The following MSI2 variants were observed in gnomAD, a reference collection of about 807,000 sequenced individuals.
MSI2 encodes the protein RNA-binding protein Musashi homolog 2.
A neutral mutation model predicts 45.6 loss-of-function variants in MSI2; 17 were observed. That is an observed-to-expected ratio of 0.37 (90% CI 0.26 to 0.56). The LOEUF (loss-of-function observed/expected upper bound fraction) is 0.56. Ranked by LOEUF, MSI2 falls within the 20% of genes least tolerant of loss-of-function variation. The pLI, the probability that MSI2 is intolerant of heterozygous loss-of-function variation, is 0.77. For synonymous variants in MSI2, 156 were observed against 158.2 expected (o/e 0.99, Z 0.11); for missense variants, 293 against 444.2 (o/e 0.66, Z 3.06).
chr17:57,339,584 G>C (rs76169428), intron 5 of MSI2, among the ~76,000 whole-genome samples: 2,824 of 152,202 alleles, frequency 0.019, 79 homozygotes, highest in African/African-American at 0.058. Context: ...CCATGCTCCT[G>C]GTGTTTCTAA....
chr17:57,442,518 T>TGAC (rs1160593239), intron 6 of MSI2, among the ~76,000 whole-genome samples: 1 of 152,038 alleles, frequency 6.6e-6, no homozygotes, highest in African/African-American at 2.4e-5. Flanking sequence ...TTGTACAGCC[T>TGAC]GACCAGCAGT....
rs189422647 is a variant in MSI2, at chr17:57,300,938, G to C, written c.312+38746G>C. Among the ~76,000 whole-genome samples the C allele has an allele frequency of 1.9e-4, 29 of 152,318 alleles. 1 individual carries two copies. The highest frequency in any genetic ancestry group is 6.7e-4 in the African/African-American group (28 of 41,568). ...AGAGCTACAATTCAAGATGAGATTTGGGTGAGGACACAGCCAAACCATATC... is the reference window on the plus strand; with the variant it reads ...AGAGCTACAATTCAAGATGAGATTTCGGTGAGGACACAGCCAAACCATATC... On this transcript the variant is annotated intron_variant, in intron 5 of 13. Transcript: ENST00000284073.
chr17:57,368,313 T>C (rs1274168313), intron 5 of MSI2, among the ~76,000 whole-genome samples: 1 of 152,120 alleles, frequency 6.6e-6, no homozygotes, highest in African/African-American at 2.4e-5. Flanking sequence ...CCCAGCACTT[T>C]GGGAGGCTGA....
the MSI2 span, among the ~76,000 whole-genome samples, chr17:57,693,501 C>A: frequency 6.6e-6 from 1 of 152,228 alleles, no homozygotes; most frequent in East Asian, 1.9e-4. Context: ...GTTTACGGAT[C>A]AGCTAGTTAA....
chr17:57,306,107 G>A (rs1353452980), intron 5 of MSI2, among the ~76,000 whole-genome samples: 1 of 151,886 alleles, frequency 6.6e-6, no homozygotes. Context: ...GAGAAGCCTG[G>A]CCTTTGCTTG....
intron 6 of MSI2, among the ~76,000 whole-genome samples, chr17:57,474,096 C>T (rs1478440182): frequency 2.6e-5 from 4 of 151,986 alleles, no homozygotes; most frequent in Non-Finnish European, 5.9e-5. Flanking sequence ...AACTCTCACG[C>T]GAAGTTGGGG....
chr17:57,586,849 T>TA lies in MSI2; in HGVS notation c.455-10002dup, dbSNP rs34823246. On this transcript the variant is annotated intron_variant, in intron 7 of 13. Transcript: ENST00000284073. The stretch of plus-strand genomic sequence containing the variant: ...CCAACGTGGCAAAACCCCATCTCCT[T>TA]AAAAAAAAAAAAAAAAAGTTTCCCA... Among the ~76,000 whole-genome samples the TA allele has an allele frequency of 1.2e-3, 174 of 146,776 alleles. 1 individual carries two copies. The highest frequency in any genetic ancestry group is 0.011 in the Middle Eastern group (3 of 280).
At chr17:57,544,310 T>C (rs1027543163) in intron 7 of MSI2, among the ~76,000 whole-genome samples, 1 of 152,188 alleles carries the variant, frequency 6.6e-6, no homozygotes, top group Non-Finnish European at 1.5e-5. Context: ...CTAATTAAAA[T>C]CCCCTGATAA....
At chr17:57,328,324 T>TCCTTCCAC (rs1913986081) in intron 5 of MSI2, among the ~76,000 whole-genome samples, 1 of 151,390 alleles carries the variant, frequency 6.6e-6, no homozygotes, top group African/African-American at 2.4e-5. Context: ...TATCCATCCA[T>TCCTTCCAC]CCATCCATGC....
At chr17:57,288,958 C>T (rs573967932) in intron 5 of MSI2, among the ~76,000 whole-genome samples, 2 of 152,316 alleles carry the variant, frequency 1.3e-5, no homozygotes, top group South Asian at 2.1e-4. Flanking sequence ...GCAATTGCCA[C>T]GTGTCTCCTG....
intron 6 of MSI2, among the ~76,000 whole-genome samples, chr17:57,477,978 C>T (rs2085573769): frequency 6.6e-6 from 1 of 152,194 alleles, no homozygotes; most frequent in Non-Finnish European, 1.5e-5. Context: ...TCTCTTCTCC[C>T]CACTGCTAGG....
chr17:57,396,404 G>A (rs1278425029), intron 5 of MSI2, among the ~76,000 whole-genome samples: 1 of 79,350 alleles, frequency 1.3e-5, no homozygotes, highest in African/African-American at 4.6e-5. Flanking sequence ...AACACACACA[G>A]CACACACACC....
chr17:57,587,120 A>T lies in MSI2; in HGVS notation c.455-9748A>T, dbSNP rs536989070. ...TTTTGACAAGCCCTTCCCCCATGAG[A>T]GATTCTGCTGCAGGACCATACCCAG... On this transcript the variant is annotated intron_variant, in intron 7 of 13. Transcript: ENST00000284073. Among the ~76,000 whole-genome samples, 8 of 152,138 alleles carry T rather than the reference A, an allele frequency of 5.3e-5. No homozygotes were observed. In the East Asian group the frequency reaches 1.5e-3, roughly 29 times the overall value.
In MSI2 at chr17:57,407,575, G is replaced by A. The variant is rs983890448; in HGVS notation, c.405+6104G>A. ...GTCCTTTGTGGACATCTGAGCTCCC[G>A]TGAGGCTTTGTCCTCTGAAGTGGTT... On this transcript the variant is annotated intron_variant, in intron 6 of 13. Transcript: ENST00000284073. The surrounding 1 kb of genome is among the most constrained non-coding windows in gnomAD (Gnocchi z 4.1). Among the ~76,000 whole-genome samples, 1 of 152,150 alleles carries A rather than the reference G, an allele frequency of 6.6e-6. No homozygotes were observed. Among genetic ancestry groups the A allele is most frequent in the Non-Finnish European group, 1.5e-5 (1 of 68,022 alleles).
chr17:57,469,297 A>C (rs558165179), intron 6 of MSI2, among the ~76,000 whole-genome samples: 1 of 152,246 alleles, frequency 6.6e-6, no homozygotes, highest in Non-Finnish European at 1.5e-5. Flanking sequence ...TAAACTAAAC[A>C]AGAAAACCAA....
intron 9 of MSI2, among the ~76,000 whole-genome samples, chr17:57,621,295 A>G (rs2144583490): frequency 6.6e-6 from 1 of 152,324 alleles, no homozygotes; most frequent in Middle Eastern, 3.4e-3. Flanking sequence ...GCAGAAAAAC[A>G]TTTTCTTAAA....
intron 10 of MSI2, chr17:57,632,408 T>C (rs1001414878): frequency 4.7e-5 from 50 of 1,066,088 alleles, no homozygotes; most frequent in Non-Finnish European, 5.7e-5. Context: ...CCAGTGGCTG[T>C]TGGCATAATC....
the MSI2 span, among the ~76,000 whole-genome samples, chr17:57,695,068 GA>G: frequency 6.6e-6 from 1 of 152,196 alleles, no homozygotes; most frequent in Non-Finnish European, 1.5e-5. Context: ...TGTCATAGCT[GA>G]AAAAGCACTT....
chr17:57,469,192 A>G (rs1369968312), intron 6 of MSI2, among the ~76,000 whole-genome samples: 1 of 152,176 alleles, frequency 6.6e-6, no homozygotes, highest in Non-Finnish European at 1.5e-5. Context: ...GAAGTCCTCG[A>G]CTTCTGCCTC....
Sources: allele counts gnomAD v4.1 joint callset (sites outside exome capture counted in the v4.1 genomes callset), GRCh38; gene constraint gnomAD v4.1.1; non-coding constraint Gnocchi (gnomAD v3.1); transcripts MANE v1.5; gene names NCBI Gene and HGNC (gene_info 2026-07-23, HGNC 2026-07-21).